The following PTPRD variants were observed in gnomAD, a reference collection of about 807,000 sequenced individuals.
PTPRD encodes protein tyrosine phosphatase receptor type D, also known as receptor-type tyrosine-protein phosphatase delta.
In PTPRD, 34 loss-of-function variants were observed where a neutral mutation model predicts 214.5. The ratio of observed to expected loss-of-function variants is 0.16; its 90% CI spans 0.12 to 0.21. PTPRD has a LOEUF of 0.21. Among genes scored for constraint, PTPRD ranks in the 10% least tolerant of loss-of-function variants. The probability of loss-of-function intolerance (pLI) is 1.00; values close to 1 mark genes in which losing one functional copy is unlikely to be tolerated. For missense variants in PTPRD, 2,545 were observed against 2,398.7 expected, an observed-to-expected ratio of 1.06 and a Z score of -1.27; for synonymous variants, 1,128 against 845.7, an observed-to-expected ratio of 1.33 and a Z score of -5.79.
intron 7 of PTPRD, among the ~76,000 whole-genome samples, chr9:9,724,610 G>A (rs1392265536): frequency 6.6e-6 from 1 of 152,158 alleles, no homozygotes; most frequent in Non-Finnish European, 1.5e-5. Context: ...GTCACAGAAT[G>A]CTTGGAAAGT....
chr9:9,947,392 C>A (rs1287784573), intron 4 of PTPRD, among the ~76,000 whole-genome samples: 2 of 30,410 alleles, frequency 6.6e-5, no homozygotes, highest in African/African-American at 1.7e-4. Context: ...ATTTTATATA[C>A]ATATTATATA....
At chr9:10,083,157 G>A (rs2098271316) in intron 3 of PTPRD, among the ~76,000 whole-genome samples, 1 of 151,688 alleles carries the variant, frequency 6.6e-6, no homozygotes, top group Non-Finnish European at 1.5e-5. Context: ...AGATTTCCCT[G>A]ACCCTCTTAG....
At chr9:8,838,380 T>C (rs968856210) in intron 11 of PTPRD, among the ~76,000 whole-genome samples, 3 of 152,156 alleles carry the variant, frequency 2.0e-5, no homozygotes, top group Non-Finnish European at 4.4e-5. Context: ...CATATATCAC[T>C]AGATGATTTA....
At chr9:8,703,937 T>C (rs1278259385) in intron 12 of PTPRD, among the ~76,000 whole-genome samples, 1 of 152,190 alleles carries the variant, frequency 6.6e-6, no homozygotes, top group Non-Finnish European at 1.5e-5. Flanking sequence ...TATCAATAAA[T>C]ACTACAATCA....
intron 8 of PTPRD, among the ~76,000 whole-genome samples, chr9:9,562,054 T>A (rs1298209486): frequency 6.6e-6 from 1 of 152,214 alleles, no homozygotes; most frequent in Admixed American, 6.5e-5. Context: ...CTTCGGAGTC[T>A]AAAAGACATC....
chr9:8,812,174 C>G (rs2096822433), intron 11 of PTPRD, among the ~76,000 whole-genome samples: 1 of 152,116 alleles, frequency 6.6e-6, no homozygotes, highest in African/African-American at 2.4e-5. Flanking sequence ...CAACAGACTT[C>G]CATTCTTTAA....
intron 2 of PTPRD, among the ~76,000 whole-genome samples, chr9:10,599,818 T>A (rs2077517920): frequency 6.6e-6 from 1 of 151,808 alleles, no homozygotes; most frequent in African/African-American, 2.4e-5. Flanking sequence ...AGAGCTTGAT[T>A]ATTTCCCCTT....
intron 7 of PTPRD, among the ~76,000 whole-genome samples, chr9:9,719,218 G>C (rs117186877): frequency 4.1e-4 from 62 of 152,224 alleles, no homozygotes; most frequent in East Asian, 3.3e-3. Flanking sequence ...ACCCACTTCA[G>C]GTAACCTCTC....
intron 12 of PTPRD, among the ~76,000 whole-genome samples, chr9:8,704,534 C>G (rs751137336): frequency 6.6e-6 from 1 of 152,066 alleles, no homozygotes; most frequent in Non-Finnish European, 1.5e-5. Context: ...CTTAATGTCT[C>G]CCTTACAGGG....
At chr9:8,642,766 C>T (rs1323160295) in intron 12 of PTPRD, among the ~76,000 whole-genome samples, 1 of 152,156 alleles carries the variant, frequency 6.6e-6, no homozygotes, top group Non-Finnish European at 1.5e-5. Flanking sequence ...GACACTTTCG[C>T]AAACATGGGG....
intron 9 of PTPRD, among the ~76,000 whole-genome samples, chr9:9,267,662 T>C (rs1940634893): frequency 6.6e-6 from 1 of 151,366 alleles, no homozygotes; most frequent in Middle Eastern, 3.4e-3. Flanking sequence ...CAATAGCTTA[T>C]TAAAAGGATC....
In PTPRD at chr9:10,503,199, A is replaced by AAAAAAAAC. The variant is rs1555437114; in HGVS notation, c.-600+109198_-600+109199insGTTTTTTT. On this transcript the variant is annotated intron_variant, in intron 2 of 45. Coordinates refer to ENST00000381196, the MANE Select transcript of PTPRD (RefSeq NM_002839.4). ...TTGAGACACAGCTGCAATACAAAAA[A>AAAAAAAAC]AAAAAAAACAAAAAAAAACACCATT... Among the ~76,000 whole-genome samples, 53 of 132,102 alleles carry AAAAAAAAC rather than the reference A, an allele frequency of 4.0e-4. 1 individual carries two copies. Among genetic ancestry groups the AAAAAAAAC allele is most frequent in the Admixed American group, 7.8e-4 (11 of 14,152 alleles). The allele number at this position is 132,102 out of a possible 152,430, so 86.7% of individuals were successfully genotyped here.
chr9:10,380,830 T>C (rs1229856204), intron 2 of PTPRD, among the ~76,000 whole-genome samples: 1 of 152,022 alleles, frequency 6.6e-6, no homozygotes, highest in Admixed American at 6.6e-5. Flanking sequence ...TTCTGTGCCA[T>C]GTATATTTGA....
At chr9:10,083,996 T>A (rs2098286249) in intron 3 of PTPRD, among the ~76,000 whole-genome samples, 2 of 151,976 alleles carry the variant, frequency 1.3e-5, no homozygotes, top group Admixed American at 6.6e-5. Context: ...ACTTGGTCAC[T>A]TAATGACCAT....
At chr9:9,648,463 T>A (rs1312955179) in intron 7 of PTPRD, among the ~76,000 whole-genome samples, 4 of 152,222 alleles carry the variant, frequency 2.6e-5, no homozygotes, top group Non-Finnish European at 4.4e-5. Context: ...GAAGTGAGCT[T>A]AAAATAAAGA....
At chr9:8,479,513 G>A (rs1273633132) in intron 30 of PTPRD, among the ~76,000 whole-genome samples, 2 of 151,774 alleles carry the variant, frequency 1.3e-5, no homozygotes, top group East Asian at 1.9e-4. Context: ...ATATAGAAGC[G>A]GAAAGTGCAT....
At chr9:9,599,044 A>G (rs1400885595) in intron 7 of PTPRD, among the ~76,000 whole-genome samples, 1 of 152,050 alleles carries the variant, frequency 6.6e-6, no homozygotes, top group East Asian at 1.9e-4. Flanking sequence ...TGGATGATAA[A>G]TGTTTTTGCC....
intron 5 of PTPRD, among the ~76,000 whole-genome samples, chr9:9,790,688 T>C (rs1597913418): frequency 6.6e-6 from 1 of 152,216 alleles, no homozygotes; most frequent in Non-Finnish European, 1.5e-5. Context: ...TAGCTTGAAA[T>C]TAGACATTCA....
At chr9:8,815,540 A>G (rs1010391254) in intron 11 of PTPRD, among the ~76,000 whole-genome samples, 18 of 152,198 alleles carry the variant, frequency 1.2e-4, no homozygotes, top group African/African-American at 4.3e-4. Context: ...AAAATAAAAC[A>G]AAAACTCCAA....
Sources: allele counts gnomAD v4.1 joint callset (sites outside exome capture counted in the v4.1 genomes callset), GRCh38; gene constraint gnomAD v4.1.1; transcripts MANE v1.5; gene names NCBI Gene and HGNC (gene_info 2026-07-23, HGNC 2026-07-21).